Variants in SYN3 observed in about 807,000 individuals in gnomAD.
The protein encoded by SYN3 is synapsin-3.
SYN3 carries 35 observed loss-of-function variants against 65.8 expected under a neutral mutation model. The observed-to-expected ratio is 0.53, with a 90% CI of 0.41 to 0.70. The LOEUF is 0.70. Ranked by LOEUF, SYN3 falls within the 30% of genes least tolerant of loss-of-function variation. SYN3 has a pLI of 0.00. For synonymous variants in SYN3, 270 were observed against 292.9 expected (o/e 0.92, Z 0.80); for missense variants, 680 against 749.0 (o/e 0.91, Z 1.08).
At chr22:33,013,102 T>C (rs2145831502) in intron 1 of SYN3, among the ~76,000 whole-genome samples, 1 of 152,310 alleles carries the variant, frequency 6.6e-6, no homozygotes, top group Non-Finnish European at 1.5e-5. Context: ...ATCTTAGAGT[T>C]TATTTAACAA....
intron 2 of SYN3, among the ~76,000 whole-genome samples, chr22:32,988,556 T>C (rs552908293): frequency 6.6e-6 from 1 of 151,990 alleles, no homozygotes; most frequent in Non-Finnish European, 1.5e-5. Flanking sequence ...AGCTAGCTCT[T>C]GGTCTCAGGG....
rs985552860 is a variant in SYN3 at position 32,837,906 on chromosome 22, C to G, written c.711+27009G>C. On this transcript the variant is annotated intron_variant, in intron 6 of 13. Transcript: ENST00000358763. This position sits in a 1 kb window ranked among gnomAD's most constrained non-coding sequence, Gnocchi z 4.1. ...TGTCTCTCCAATGGGCTGGACTCTC[C>G]AGCCTCCGGGCCTCTGCCCAACCAT... Among the ~76,000 whole-genome samples, 2 of 152,192 alleles carry G rather than the reference C, an allele frequency of 1.3e-5. No homozygotes were observed. Among genetic ancestry groups the G allele is most frequent in the African/African-American group, 4.8e-5 (2 of 41,444 alleles).
chr22:32,577,235 G>C lies in SYN3; in HGVS notation c.774+19439C>G, dbSNP rs1243903891. 2.6e-5 allele frequency among the ~76,000 whole-genome samples: 4 copies of C among 152,182 alleles called. 1 individual carries two copies. The highest frequency in any genetic ancestry group is 5.9e-5 in the Non-Finnish European group (4 of 68,032). On this transcript the variant is annotated intron_variant, in intron 7 of 13. Coordinates refer to ENST00000358763, the MANE Select transcript of SYN3 (RefSeq NM_003490.4). The stretch of plus-strand genomic sequence containing the variant: ...TTGGGCCTTTATGCTTTTGTGTGTA[G>C]GTCCTGCTGTGTTGGACAGTTTGCT...
chr22:32,576,331 T>C (rs1274205818), intron 7 of SYN3, among the ~76,000 whole-genome samples: 1 of 152,200 alleles, frequency 6.6e-6, no homozygotes, highest in African/African-American at 2.4e-5. Flanking sequence ...AATTCACCAT[T>C]CTTCCCACTG....
intron 6 of SYN3, among the ~76,000 whole-genome samples, chr22:32,599,765 T>C (rs5998551): frequency 0.13 from 19,167 of 152,096 alleles, 1,511 homozygotes; most frequent in East Asian, 0.38. Flanking sequence ...ATCAATTGCG[T>C]GGGCACGACT....
chr22:32,936,316 T>G (rs1358745983), intron 3 of SYN3, among the ~76,000 whole-genome samples: 1 of 152,198 alleles, frequency 6.6e-6, no homozygotes, highest in Non-Finnish European at 1.5e-5. Flanking sequence ...TATCCCTATG[T>G]TTATCCTAGC....
intron 3 of SYN3, among the ~76,000 whole-genome samples, chr22:32,952,057 G>A (rs2051305820): frequency 6.6e-6 from 1 of 152,128 alleles, no homozygotes; most frequent in South Asian, 2.1e-4. Flanking sequence ...TTCCTTGGCT[G>A]GCATCTCAGG....
rs772323070 is a variant in SYN3, at chr22:32,858,039, G to A, written c.711+6876C>T. The A allele has an allele frequency of 8.1e-6, 13 of 1,614,076 alleles. No homozygotes were observed. The highest frequency in any genetic ancestry group is 1.7e-5 in the Admixed American group (1 of 60,004). ...TAGGTCGCGTCTATGATGGCAAGAT[G>A]TACACGGGGCTGTGCAACTTCGTGG... On this transcript the variant is annotated intron_variant, in intron 6 of 13. Transcript: ENST00000358763.
chr22:32,922,746 GC>G (rs961709420), intron 4 of SYN3, among the ~76,000 whole-genome samples: 2 of 152,108 alleles, frequency 1.3e-5, no homozygotes, highest in Non-Finnish European at 2.9e-5. Context: ...TCTGGCACTG[GC>G]CTGGCTTGGG....
rs568998175 is a variant in SYN3 at position 32,888,396 on chromosome 22, T to C, written c.462-19271A>G. Reference sequence around the variant, plus strand: ...GATTGGATCATATAGTGCCTATATATGTAACTTTATAAGAAACTGCCAAAC... The same window carrying C: ...GATTGGATCATATAGTGCCTATATACGTAACTTTATAAGAAACTGCCAAAC... On this transcript the variant is annotated intron_variant, in intron 4 of 13. Transcript: ENST00000358763. Among the ~76,000 whole-genome samples the C allele has an allele frequency of 1.4e-3, 214 of 152,252 alleles. 1 individual carries two copies. The highest frequency in any genetic ancestry group is 5.0e-3 in the African/African-American group (207 of 41,538).
chr22:33,047,081 C>T (rs1253644008), intron 1 of SYN3, among the ~76,000 whole-genome samples: 3 of 152,066 alleles, frequency 2.0e-5, no homozygotes, highest in Non-Finnish European at 4.4e-5. Context: ...TTACACAGGT[C>T]TTCTTTAACT....
chr22:32,876,811 C>A (rs1031698450), intron 4 of SYN3, among the ~76,000 whole-genome samples: 6 of 152,104 alleles, frequency 3.9e-5, no homozygotes, highest in African/African-American at 1.4e-4. Flanking sequence ...GAGATGAAAA[C>A]CACTCATTTG....
rs192183608 is a variant in SYN3 at position 32,745,854 on chromosome 22, G to A, written c.711+119061C>T. Among the ~76,000 whole-genome samples the A allele has an allele frequency of 4.0e-3, 609 of 152,298 alleles. 4 individuals carry two copies. The highest frequency in any genetic ancestry group is 0.014 in the African/African-American group (592 of 41,568). On this transcript the variant is annotated intron_variant, in intron 6 of 13. Coordinates refer to ENST00000358763, the MANE Select transcript of SYN3 (RefSeq NM_003490.4). ...GAAGAGAGCGAGGAGGACAGAGGCA[G>A]GATCAAAAGGCAGGAAAGAGAAGAC...
intron 9 of SYN3, among the ~76,000 whole-genome samples, chr22:32,535,730 G>A (rs900189751): frequency 6.6e-6 from 1 of 152,124 alleles, no homozygotes; most frequent in African/African-American, 2.4e-5. Context: ...GGCATCCCAG[G>A]GTCTAGGAAG....
intron 6 of SYN3, among the ~76,000 whole-genome samples, chr22:32,656,731 T>G (rs934076197): frequency 2.0e-5 from 3 of 152,196 alleles, no homozygotes; most frequent in African/African-American, 7.2e-5. Context: ...GTTTGTTTTT[T>G]CTTTTACTGG....
chr22:32,974,874 T>C (rs1293655914), intron 3 of SYN3, among the ~76,000 whole-genome samples: 3 of 152,214 alleles, frequency 2.0e-5, no homozygotes, highest in African/African-American at 4.8e-5. Context: ...ATTTATTTCA[T>C]CATTTTCAGG....
At chr22:32,606,789 C>G (rs117034890) in intron 6 of SYN3, among the ~76,000 whole-genome samples, 2,545 of 149,620 alleles carry the variant, frequency 0.017, 150 homozygotes, top group Admixed American at 0.095. Flanking sequence ...TTCATTCAGC[C>G]AACTCTTTAT....
At chr22:32,818,319 CA>C (rs1239124014) in intron 6 of SYN3, among the ~76,000 whole-genome samples, 2 of 152,092 alleles carry the variant, frequency 1.3e-5, no homozygotes, top group African/African-American at 2.4e-5. Context: ...TGCGGTCCAT[CA>C]GGGGCACTCA....
At chr22:33,038,983 CA>C (rs1465074315) in intron 1 of SYN3, among the ~76,000 whole-genome samples, 1 of 152,184 alleles carries the variant, frequency 6.6e-6, no homozygotes, top group Non-Finnish European at 1.5e-5. Flanking sequence ...GAGTTCTGGG[CA>C]GGAATTCCTG....
Sources: allele counts gnomAD v4.1 joint callset (sites outside exome capture counted in the v4.1 genomes callset), GRCh38; gene constraint gnomAD v4.1.1; non-coding constraint Gnocchi (gnomAD v3.1); transcripts MANE v1.5; gene names NCBI Gene and HGNC (gene_info 2026-07-23, HGNC 2026-07-21).